Variants in SLC40A1 observed in about 807,000 individuals in gnomAD.
SLC40A1 encodes the protein ferroportin.
A neutral mutation model predicts 53.5 loss-of-function variants in SLC40A1; 16 were observed. The observed-to-expected ratio is 0.30, with a 90% confidence interval of 0.20 to 0.45. The LOEUF (loss-of-function observed/expected upper bound fraction) is 0.45, where lower values mean the gene tolerates loss of function less well. SLC40A1 is among the 20% of genes least tolerant of loss of function. SLC40A1 has a pLI of 1.00. For synonymous variants in SLC40A1, 247 were observed against 253.2 expected (o/e 0.98, Z 0.23); for missense variants, 545 against 695.4 (o/e 0.78, Z 2.43).
rs1286806657 is a variant in SLC40A1 at position 189,563,910 on chromosome 2, G to A, written c.1076C>T (p.Ala359Val). The change falls in exon 7 of 8, where the codon GCT becomes GTT. Residue 359 changes from alanine to valine, a missense_variant. Ala to Val is a moderately conservative substitution (Grantham distance 64). Around this residue, in one of 4 missense-constraint regions of SLC40A1, gnomAD observed 234 missense variants for 299.0 expected, o/e 0.78. Coordinates refer to ENST00000261024, the MANE Select transcript of SLC40A1 (RefSeq NM_014585.6). ...SAITGIMGTV[A>V]FTWLRRKCGL... ...ACATTTTCGACGTAGCCAAGTAAAA[G>A]CTACAGTTCCCATTATTCCAGTTAT... 7.4e-6 allele frequency: 12 copies of A among 1,614,060 alleles called. No homozygotes were observed. In the South Asian group the frequency reaches 1.3e-4, roughly 18 times the overall value.
chr2:189,560,888 C>T lies in SLC40A1; in HGVS notation c.*990G>A, dbSNP rs562536353. On this transcript the variant is annotated 3_prime_UTR_variant, in exon 8 of 8. Transcript: ENST00000261024. ...TGAAAGGGATACTTTTATGAATATT[C>T]TTGCTGTAGAACAATGTAGAAATAA... 137 of 152,408 alleles carry T rather than the reference C, an allele frequency of 9.0e-4. No individual in the cohort carries two copies. The highest frequency in any genetic ancestry group is 3.2e-3 in the African/African-American group (131 of 41,552). The allele number at this position is 152,408 out of a possible 1,614,324, so 9.4% of individuals were successfully genotyped here.
intron 2 of SLC40A1, among the ~76,000 whole-genome samples, chr2:189,577,551 TATTAG>T (rs887817397): frequency 1.3e-5 from 2 of 152,084 alleles, no homozygotes; most frequent in Admixed American, 6.6e-5. Flanking sequence ...ATCTTTTTGT[TATTAG>T]ATATCTTTTT....
chr2:189,575,355 T>G, intron 2 of SLC40A1, 35 bp from the exon 3 acceptor site: 1 of 1,612,998 alleles, frequency 6.2e-7, no homozygotes, highest in South Asian at 1.1e-5. Context: ...TGATGGAATA[T>G]TTTTCGTTTC....
At position 189,575,319 on chromosome 2, in the gene SLC40A1, C is replaced by A; in HGVS notation, c.113G>T (p.Gly38Val). 6.2e-7 allele frequency: 1 copy of A among 1,614,004 alleles called. No individual in the cohort carries two copies. Among genetic ancestry groups the A allele is most frequent in the Non-Finnish European group, 8.5e-7 (1 of 1,179,934 alleles). Reference protein sequence around the residue: ...LYLGHSLSTWGDRMWHFAVSV... With the variant: ...LYLGHSLSTWVDRMWHFAVSV... The stretch of plus-strand genomic sequence containing the variant: ...CACCGCAAAGTGCCACATCCGATCT[C>A]CCTTAAATGAAAAGAGAAAATGTTT... The change falls in exon 3 of 8, where the codon GGA becomes GTA. Residue 38 changes from glycine to valine, a missense_variant and splice_region_variant. Transcript: ENST00000261024.
chr2:189,565,317 A>T (rs372033924), intron 6 of SLC40A1, 37 bp downstream of exon 6: 4 of 1,613,264 alleles, frequency 2.5e-6, no homozygotes, highest in African/African-American at 2.7e-5. Context: ...AGGTCTGAAC[A>T]TGAGAACAAA....
At chr2:189,565,832 T>C (rs764302815) in intron 5 of SLC40A1, among the ~76,000 whole-genome samples, 128 of 152,378 alleles carry the variant, frequency 8.4e-4, no homozygotes, top group Non-Finnish European at 8.1e-4. Context: ...ATCAGTCTAA[T>C]AGCTTTTTAA....
intron 3 of SLC40A1, among the ~76,000 whole-genome samples, chr2:189,574,388 A>C (rs573455557): frequency 1.3e-5 from 2 of 152,326 alleles, no homozygotes; most frequent in African/African-American, 4.8e-5. Flanking sequence ...AAGTCCTAGA[A>C]TTTGATAAGC....
chr2:189,571,632 C>G (rs2031128466), intron 5 of SLC40A1, 83 bp downstream of exon 5: 2 of 1,556,196 alleles, frequency 1.3e-6, no homozygotes, highest in Admixed American at 1.9e-5. Context: ...AACAAAAATA[C>G]AAGGCTTACA....
rs1317297774 is a variant in SLC40A1, at chr2:189,580,165, T to A, written c.43+253A>T. Reference sequence around the variant, plus strand: ...ATTCTTTTTTGGGTTGGTTGGTTTGTTTGTTTTGTTTCTTTTTTACACAAG... The same window carrying A: ...ATTCTTTTTTGGGTTGGTTGGTTTGATTGTTTTGTTTCTTTTTTACACAAG... On this transcript the variant is annotated intron_variant, in intron 1 of 7. Coordinates refer to ENST00000261024, the MANE Select transcript of SLC40A1 (RefSeq NM_014585.6). 8.7e-5 allele frequency among the ~76,000 whole-genome samples: 13 copies of A among 149,836 alleles called. No homozygotes were observed. In the Admixed American group the frequency reaches 8.7e-4, roughly 10 times the overall value.
In SLC40A1 at chr2:189,565,475, C is replaced by G; in HGVS notation, c.639G>C (p.Leu213Phe). ...IGCGFISGWN[L>F]VSMCVEYVLL... ...GAACGTACTCCACGCACATGGATAC[C>G]AAGTTCCATCCCGAAATAAAGCCAC... Residue 213 changes from leucine to phenylalanine, a missense_variant, in exon 6 of 8, where the codon TTG (leucine) becomes TTC (phenylalanine). Transcript: ENST00000261024. 6.2e-7 allele frequency: 1 copy of G among 1,614,214 alleles called. No individual in the cohort carries two copies. Among genetic ancestry groups the G allele is most frequent in the Non-Finnish European group, 8.5e-7 (1 of 1,180,040 alleles).
In SLC40A1 at chr2:189,563,673, G is replaced by A; in HGVS notation, c.1313C>T (p.Ser438Phe). The change falls in exon 7 of 8, where the codon TCT (serine) becomes TTT (phenylalanine). Residue 438 changes from serine to phenylalanine, a missense_variant. This residue lies in a region of SLC40A1 where 234 missense variants were observed against 299.0 expected (regional missense o/e 0.78). Transcript: ENST00000261024. ...ACTTGTCTCCGGGACAATATTAGCA[G>A]AATTAGACCCATTAGACATGTATAT... ...TEIYMSNGSN[S>F]ANIVPETSPE... is the part of the protein sequence containing the mutation. 6.2e-7 allele frequency: 1 copy of A among 1,614,082 alleles called. No individual in the cohort carries two copies.
In SLC40A1 at chr2:189,580,482, C is replaced by T. The variant is rs761357736; in HGVS notation, c.-22G>A. On this transcript the variant is annotated 5_prime_UTR_variant, in exon 1 of 8. Coordinates refer to ENST00000261024, the MANE Select transcript of SLC40A1 (RefSeq NM_014585.6). The stretch of plus-strand genomic sequence containing the variant: ...TCATGACACTAGGCGACCCCGCTGG[C>T]TCTTCTGCGGCTGCTATCGCTGCTG... 1.2e-5 allele frequency: 19 copies of T among 1,613,122 alleles called. No homozygotes were observed. In the Middle Eastern group the frequency reaches 1.2e-3, roughly 98 times the overall value.
In SLC40A1 at chr2:189,571,649, T is replaced by G; in HGVS notation, c.514+66A>C. The G allele has an allele frequency of 5.7e-6, 9 of 1,582,844 alleles. No homozygotes were observed. In the South Asian group the frequency reaches 9.1e-5, roughly 16 times the overall value. ...CAAAAATACAAGGCTTACAGCCTCA[T>G]TTATCACCACCGATTTAAAGTGAAT... is the stretch of plus-strand genomic sequence containing the variant. On this transcript the variant is annotated intron_variant, in intron 5 of 7. Transcript: ENST00000261024.
At chr2:189,565,725 T>C in intron 5 of SLC40A1, 126 bp from the exon 6 acceptor site, 1 of 1,351,322 alleles carries the variant, frequency 7.4e-7, no homozygotes, top group Non-Finnish European at 1.0e-6. Context: ...TAAAAGTACA[T>C]TTGTAAGAAA....
intron 4 of SLC40A1, chr2:189,572,426 T>C (rs565610049): frequency 3.5e-6 from 1 of 282,848 alleles, no homozygotes; most frequent in Non-Finnish European, 6.8e-6. Flanking sequence ...TCCATCAAGC[T>C]CTTATGAAAT....
intron 5 of SLC40A1, among the ~76,000 whole-genome samples, chr2:189,567,446 G>C (rs994226): frequency 0.85 from 128,911 of 152,126 alleles, 55,060 homozygotes; most frequent in East Asian, 0.92. Flanking sequence ...ATCACAACAT[G>C]ACTATGTACT....
In SLC40A1 at chr2:189,575,539, G is replaced by C. The variant is rs1018220640; in HGVS notation, c.112-219C>G. ...CCAATTATTAAGTAAACTTGAAAAG[G>C]CATGATATTAATGAACCGCACATTC... On this transcript the variant is annotated intron_variant, in intron 2 of 7. Transcript: ENST00000261024. Among the ~76,000 whole-genome samples, 23 of 152,284 alleles carry C rather than the reference G, an allele frequency of 1.5e-4. 1 individual carries two copies. In the South Asian group the frequency reaches 3.7e-3, roughly 25 times the overall value.
chr2:189,564,346 T>C (rs968756636), intron 6 of SLC40A1, 121 bp from the exon 7 acceptor site: 17 of 735,968 alleles, frequency 2.3e-5, no homozygotes, highest in Non-Finnish European at 3.6e-5. Flanking sequence ...TTAGACATTG[T>C]AATATGTATT....
chr2:189,561,740 A>C lies in SLC40A1; in HGVS notation c.*138T>G. 1 of 738,382 alleles carries C rather than the reference A, an allele frequency of 1.4e-6. No individual in the cohort carries two copies. The highest frequency in any genetic ancestry group is 2.3e-6 in the Non-Finnish European group (1 of 439,084). 45.7% of individuals were successfully genotyped at this position (738,382 alleles called of 1,614,324 possible). On this transcript the variant is annotated 3_prime_UTR_variant, in exon 8 of 8. Coordinates refer to ENST00000261024, the MANE Select transcript of SLC40A1 (RefSeq NM_014585.6). Reference sequence around the variant, plus strand: ...TAATTTCTGCTGACTTAGGTTTCCTAAACAGCTTTTAGTTCTCAAGGCACA... The same window carrying C: ...TAATTTCTGCTGACTTAGGTTTCCTCAACAGCTTTTAGTTCTCAAGGCACA...
Sources: gnomAD v4.1 joint callset for allele counts (sites outside exome capture counted in the v4.1 genomes callset) on GRCh38, gnomAD v4.1.1 for gene constraint, gnomAD v4.1.1 regional missense constraint, MANE v1.5 for transcripts, NCBI Gene and HGNC (gene_info 2026-07-23, HGNC 2026-07-21) for gene names.